NR2C1: variants seen among roughly 807,000 people sequenced by gnomAD.
NR2C1 encodes the protein nuclear receptor subfamily 2 group C member 1, also known as TR2 nuclear hormone receptor.
In NR2C1, 33 loss-of-function variants were observed where a neutral mutation model predicts 74.8. That is an observed-to-expected ratio of 0.44 (90% CI 0.33 to 0.59). The LOEUF is 0.59. NR2C1 is among the 20% of genes least tolerant of loss of function. NR2C1 has a pLI of 0.02. For synonymous variants in NR2C1, 225 were observed against 240.6 expected (o/e 0.94, Z 0.60); for missense variants, 568 against 715.6 (o/e 0.79, Z 2.35).
intron 8 of NR2C1, among the ~76,000 whole-genome samples, chr12:95,051,307 G>A (rs1872968400): frequency 6.6e-6 from 1 of 151,998 alleles, no homozygotes; most frequent in Non-Finnish European, 1.5e-5. Context: ...TGTCCCCAAG[G>A]GAAAAAAGAT....
At chr12:95,042,401 C>T (rs927639907) in intron 9 of NR2C1, among the ~76,000 whole-genome samples, 11 of 151,798 alleles carry the variant, frequency 7.2e-5, no homozygotes, top group East Asian at 1.9e-4. Flanking sequence ...TTAGTAGAGA[C>T]GGGGTTGTAC....
Position 95,057,733 on chromosome 12 carries a change from T to A in NR2C1, c.690A>T (p.Thr230=), listed in dbSNP as rs1325457839. The A allele has an allele frequency of 7.4e-6, 12 of 1,613,852 alleles. No homozygotes were observed. The highest frequency in any genetic ancestry group is 1.3e-5 in the African/African-American group (1 of 74,910). Residue 230 remains threonine (T), a splice_region_variant and synonymous_variant, in exon 6 of 14, where the codon ACA becomes ACT. Transcript: ENST00000333003. ...ACTCAGTGTCTGTTTTACTTTACCT[T>A]GTACTTTCACTATCTGTTACAAAAG... ...TPTFVTDSES[T]RSTGLLDSGM... is the part of the protein sequence containing the mutation.
rs1039496039 is a variant in NR2C1, at chr12:95,022,041, T to C, written c.*188A>G. 2 of 453,406 alleles carry C rather than the reference T, an allele frequency of 4.4e-6. No individual in the cohort carries two copies. Among genetic ancestry groups the C allele is most frequent in the Non-Finnish European group, 7.6e-6 (2 of 261,664 alleles). The allele number at this position is 453,406 out of a possible 1,614,324, so 28.1% of individuals were successfully genotyped here. A position where few individuals can be genotyped will look rare whatever the true frequency, so the allele number is the denominator to read the frequency against. On this transcript the variant is annotated 3_prime_UTR_variant, in exon 14 of 14. Coordinates refer to ENST00000333003, the MANE Select transcript of NR2C1 (RefSeq NM_003297.4). ...CATTTAAAGGAATCAGGAAGAAAAA[T>C]TCATTTAATTTCTGCTGCCTGCCCA...
intron 10 of NR2C1, among the ~76,000 whole-genome samples, chr12:95,038,399 C>T (rs965692826): frequency 6.6e-6 from 1 of 152,222 alleles, no homozygotes; most frequent in African/African-American, 2.4e-5. Context: ...AATATCACCA[C>T]GTTACTTTTT....
intron 3 of NR2C1, among the ~76,000 whole-genome samples, chr12:95,061,195 G>A (rs1874728053): frequency 6.6e-6 from 1 of 152,188 alleles, no homozygotes; most frequent in Non-Finnish European, 1.5e-5. Context: ...GCCAAGAGAA[G>A]CCTCAGGAGA....
At position 95,031,484 on chromosome 12, in the gene NR2C1, C is replaced by T; in HGVS notation, c.1258G>A (p.Glu420Lys). 6.3e-7 allele frequency: 1 copy of T among 1,586,236 alleles called. No homozygotes were observed. The highest frequency in any genetic ancestry group is 1.2e-5 in the South Asian group (1 of 85,350). Reference protein sequence around the residue: ...SIPSFQALGQENSISLVKAYW... With the variant: ...SIPSFQALGQKNSISLVKAYW... Reference sequence around the variant, plus strand: ...GCTTTCACCAGTGATATGCTGTTTTCTTGCCTATTAAAAACAGTAATAAAA... The same window carrying T: ...GCTTTCACCAGTGATATGCTGTTTTTTTGCCTATTAAAAACAGTAATAAAA... The change falls in exon 11 of 14, where the codon GAA (glutamate) becomes AAA (lysine). Residue 420 changes from glutamate (E) to lysine (K), a missense_variant. Transcript: ENST00000333003.
intron 10 of NR2C1, among the ~76,000 whole-genome samples, chr12:95,038,285 A>G (rs1438419103): frequency 6.6e-6 from 1 of 152,240 alleles, no homozygotes; most frequent in African/African-American, 2.4e-5. Context: ...TAATAGAAGT[A>G]CTTAAGATCA....
At chr12:95,041,270 G>A (rs1004022624) in intron 9 of NR2C1, among the ~76,000 whole-genome samples, 5 of 152,116 alleles carry the variant, frequency 3.3e-5, no homozygotes, top group African/African-American at 9.7e-5. Flanking sequence ...GGTGGATCAC[G>A]ATGTCGAGAG....
rs371119592 is a variant in NR2C1, at chr12:95,052,597, A to G, written c.784-654T>C. 2.6e-4 allele frequency among the ~76,000 whole-genome samples: 40 copies of G among 152,068 alleles called. 4 individuals carry two copies. Among genetic ancestry groups the G allele is most frequent in the East Asian group, 1.6e-3 (8 of 5,118 alleles). On this transcript the variant is annotated intron_variant, in intron 7 of 13. Transcript: ENST00000333003. Reference sequence around the variant, plus strand: ...CAGCCTCCTGAGCAGCTGATCCTACAGGTGTGCACTGCTATGCCTGGGTTG... The same window carrying G: ...CAGCCTCCTGAGCAGCTGATCCTACGGGTGTGCACTGCTATGCCTGGGTTG...
chr12:95,036,170 T>C (rs1870794405), intron 10 of NR2C1, among the ~76,000 whole-genome samples: 1 of 151,868 alleles, frequency 6.6e-6, no homozygotes, highest in Admixed American at 6.6e-5. Flanking sequence ...ATGACTATTG[T>C]AGTTTATGTT....
intron 9 of NR2C1, among the ~76,000 whole-genome samples, chr12:95,045,145 TTCAG>T (rs1473489283): frequency 1.3e-5 from 2 of 152,234 alleles, no homozygotes; most frequent in African/African-American, 4.8e-5. Context: ...TACATATTCA[TTCAG>T]TAACTATTTA....
intron 8 of NR2C1, 68 bp from the exon 9 acceptor site, chr12:95,049,301 A>T: frequency 1.4e-6 from 2 of 1,479,850 alleles, no homozygotes; most frequent in Non-Finnish European, 1.8e-6. Flanking sequence ...TCTACATAGG[A>T]TTCTGGAATT....
intron 7 of NR2C1, among the ~76,000 whole-genome samples, chr12:95,054,778 G>C (rs151058655): frequency 0.012 from 1,826 of 151,382 alleles, 27 homozygotes; most frequent in African/African-American, 0.043. Flanking sequence ...TTTTTTTATT[G>C]ATCATTCTTA....
At chr12:95,069,161 TAAAC>T (rs1330235926) in intron 1 of NR2C1, among the ~76,000 whole-genome samples, 5 of 152,142 alleles carry the variant, frequency 3.3e-5, no homozygotes, top group African/African-American at 4.8e-5. Flanking sequence ...ATTAAAGTAA[TAAAC>T]AAATAAGAAA....
intron 9 of NR2C1, among the ~76,000 whole-genome samples, chr12:95,045,414 G>A (rs1397385814): frequency 1.3e-5 from 2 of 152,094 alleles, no homozygotes; most frequent in African/African-American, 2.4e-5. Flanking sequence ...TATAACGCTG[G>A]TACCAGCACA....
At chr12:95,038,771 A>AT (rs1871165091) in intron 10 of NR2C1, among the ~76,000 whole-genome samples, 1 of 152,098 alleles carries the variant, frequency 6.6e-6, no homozygotes, top group African/African-American at 2.4e-5. Context: ...TAATAGACTA[A>AT]TTGTTCTCCA....
intron 7 of NR2C1, among the ~76,000 whole-genome samples, chr12:95,056,689 T>C (rs963025483): frequency 6.6e-6 from 1 of 152,236 alleles, no homozygotes; most frequent in African/African-American, 2.4e-5. Context: ...CTGGGCGTGC[T>C]GGCTCACGCC....
At chr12:95,029,998 G>T (rs1869864935) in intron 11 of NR2C1, among the ~76,000 whole-genome samples, 1 of 152,078 alleles carries the variant, frequency 6.6e-6, no homozygotes, top group Non-Finnish European at 1.5e-5. Flanking sequence ...TTCCTAAGTA[G>T]CTGGGACTAT....
At chr12:95,030,643 G>A (rs189791912) in intron 11 of NR2C1, 1 of 1,611,380 alleles carries the variant, frequency 6.2e-7, no homozygotes. Flanking sequence ...TTAAACATAA[G>A]GAGGAAGCAA....
Sources: allele counts gnomAD v4.1 joint callset (sites outside exome capture counted in the v4.1 genomes callset), GRCh38; gene constraint gnomAD v4.1.1; transcripts MANE v1.5; gene names NCBI Gene and HGNC (gene_info 2026-07-23, HGNC 2026-07-21).